Variants in LRRC4C observed in about 807,000 individuals in gnomAD.
LRRC4C encodes the protein leucine-rich repeat-containing protein 4C.
LRRC4C carries 5 observed loss-of-function variants against 33.6 expected under a neutral mutation model. That is an observed-to-expected ratio of 0.15 (90% CI 0.08 to 0.31). The LOEUF (loss-of-function observed/expected upper bound fraction) is 0.31, where lower values mean the gene tolerates loss of function less well. Among genes scored for constraint, LRRC4C ranks in the 10% least tolerant of loss-of-function variants. The probability of loss-of-function intolerance (pLI) is 1.00; values close to 1 mark genes in which losing one functional copy is unlikely to be tolerated. For synonymous variants in LRRC4C, 329 were observed against 302.0 expected (o/e 1.09, Z -0.93); for missense variants, 560 against 796.7 (o/e 0.70, Z 3.58).
rs144991222 is a variant in LRRC4C at position 40,929,775 on chromosome 11, G to C, written c.-407+3860C>G. On this transcript the variant is annotated intron_variant, in intron 2 of 6. Coordinates refer to ENST00000528697, the MANE Select transcript of LRRC4C (RefSeq NM_001258419.2). ...TTATTCAATTCTTAAATGTAATTCAGTGTCCAAAGTAAACATATGAAAGAA... is the reference window on the plus strand; with the variant it reads ...TTATTCAATTCTTAAATGTAATTCACTGTCCAAAGTAAACATATGAAAGAA... Among the ~76,000 whole-genome samples, 523 of 152,170 alleles carry C rather than the reference G, an allele frequency of 3.4e-3. 2 individuals are homozygous for C. Among genetic ancestry groups the C allele is most frequent in the African/African-American group, 0.012 (495 of 41,512 alleles).
chr11:41,013,478 A>T (rs1351577150), intron 1 of LRRC4C, among the ~76,000 whole-genome samples: 3 of 152,230 alleles, frequency 2.0e-5, no homozygotes, highest in Non-Finnish European at 4.4e-5. Flanking sequence ...CTAATCTGTG[A>T]GGCTAGCGCT....
chr11:40,983,797 C>G (rs1234618571), intron 1 of LRRC4C, among the ~76,000 whole-genome samples: 1 of 152,112 alleles, frequency 6.6e-6, no homozygotes, highest in Non-Finnish European at 1.5e-5. Flanking sequence ...AATGAGATAC[C>G]ATTTCACACC....
At chr11:40,208,182 T>C (rs963026647) in intron 5 of LRRC4C, among the ~76,000 whole-genome samples, 1 of 152,182 alleles carries the variant, frequency 6.6e-6, no homozygotes, top group Non-Finnish European at 1.5e-5. Context: ...TTTATTTTGC[T>C]CATATGATAT....
At chr11:40,305,112 C>G (rs1024206670) in intron 4 of LRRC4C, among the ~76,000 whole-genome samples, 1 of 152,186 alleles carries the variant, frequency 6.6e-6, no homozygotes, top group Admixed American at 6.5e-5. Context: ...TCTTTTAGTG[C>G]TCGAATAGGG....
chr11:40,645,071 G>T lies in LRRC4C; in HGVS notation c.-270+3071C>A, dbSNP rs569754931. On this transcript the variant is annotated intron_variant, in intron 3 of 6. Coordinates refer to ENST00000528697, the MANE Select transcript of LRRC4C (RefSeq NM_001258419.2). ...TATCTCTACTGCACGGCAATCATATGAATGTCCTTAGTTGATTTTAAGGAA... is the reference window on the plus strand; with the variant it reads ...TATCTCTACTGCACGGCAATCATATTAATGTCCTTAGTTGATTTTAAGGAA... Among the ~76,000 whole-genome samples, 8 of 152,154 alleles carry T rather than the reference G, an allele frequency of 5.3e-5. No individual in the cohort carries two copies. The South Asian group carries it at 1.7e-3, about 32-fold the overall frequency.
intron 3 of LRRC4C, among the ~76,000 whole-genome samples, chr11:40,443,270 T>G (rs1951474882): frequency 6.6e-6 from 1 of 152,194 alleles, no homozygotes. Flanking sequence ...ACAACACAAC[T>G]GTGATGACAA....
chr11:40,773,245 G>C (rs1011738581), intron 2 of LRRC4C, among the ~76,000 whole-genome samples: 10 of 151,726 alleles, frequency 6.6e-5, no homozygotes, highest in African/African-American at 2.2e-4. Flanking sequence ...ATGGTTAATG[G>C]GTACAAAAGT....
At chr11:40,609,909 T>C (rs1481232390) in intron 3 of LRRC4C, among the ~76,000 whole-genome samples, 3 of 151,854 alleles carry the variant, frequency 2.0e-5, no homozygotes, top group Non-Finnish European at 4.4e-5. Flanking sequence ...GAAAACCTCC[T>C]AACAGAGAAA....
At chr11:41,450,146 A>G (rs1465473241) in intron 1 of LRRC4C, among the ~76,000 whole-genome samples, 1 of 152,144 alleles carries the variant, frequency 6.6e-6, no homozygotes, top group Non-Finnish European at 1.5e-5. Flanking sequence ...GGCAGTTCTT[A>G]GACATGTTTC....
intron 3 of LRRC4C, among the ~76,000 whole-genome samples, chr11:40,527,303 G>T (rs938786076): frequency 2.0e-5 from 3 of 152,118 alleles, no homozygotes; most frequent in African/African-American, 7.2e-5. Context: ...TAAAGATATA[G>T]ATTGAAAATG....
rs372549164 is a variant in LRRC4C, at chr11:40,564,711, GA to G, written c.-270+83430del. Among the ~76,000 whole-genome samples the G allele has an allele frequency of 4.5e-3, 687 of 152,294 alleles. 6 individuals are homozygous for G. Among genetic ancestry groups the G allele is most frequent in the African/African-American group, 0.016 (664 of 41,560 alleles). The stretch of plus-strand genomic sequence containing the variant: ...GTGTTACATTCTTCCAGATTAGAGG[GA>G]GTGGTCCCTAAAGAGGGAATACTTT... On this transcript the variant is annotated intron_variant, in intron 3 of 6. Coordinates refer to ENST00000528697, the MANE Select transcript of LRRC4C (RefSeq NM_001258419.2).
chr11:41,015,417 C>T (rs1185900328), intron 1 of LRRC4C, among the ~76,000 whole-genome samples: 1 of 152,084 alleles, frequency 6.6e-6, no homozygotes, highest in Non-Finnish European at 1.5e-5. Flanking sequence ...CAACTTCTAC[C>T]TCTTGAGTTC....
chr11:40,989,679 G>A (rs1853362588), intron 1 of LRRC4C, among the ~76,000 whole-genome samples: 1 of 152,008 alleles, frequency 6.6e-6, no homozygotes, highest in Admixed American at 6.5e-5. Flanking sequence ...TTTGTGGGTG[G>A]GGGAGATTTA....
chr11:40,353,836 G>C (rs77339415), intron 3 of LRRC4C, among the ~76,000 whole-genome samples: 370 of 152,262 alleles, frequency 2.4e-3, no homozygotes, highest in African/African-American at 8.5e-3. Context: ...TGTCATACCA[G>C]GTTAGGTCAC....
chr11:41,355,965 C>T (rs1348538192), intron 1 of LRRC4C, among the ~76,000 whole-genome samples: 1 of 152,068 alleles, frequency 6.6e-6, no homozygotes, highest in African/African-American at 2.4e-5. Flanking sequence ...CAAAACCAAG[C>T]TGGCTTCCAT....
intron 5 of LRRC4C, among the ~76,000 whole-genome samples, chr11:40,178,257 AATAG>A (rs753668706): frequency 2.6e-5 from 4 of 152,210 alleles, no homozygotes; most frequent in African/African-American, 4.8e-5. Flanking sequence ...TATTTGAGCA[AATAG>A]ATAGGTCATG....
chr11:40,580,367 T>C (rs953663770), intron 3 of LRRC4C, among the ~76,000 whole-genome samples: 1 of 152,058 alleles, frequency 6.6e-6, no homozygotes, highest in African/African-American at 2.4e-5. Context: ...TTCACTATTA[T>C]GATAACAGCA....
In LRRC4C at chr11:40,140,869, AAAG is replaced by A; in HGVS notation, c.-95-19_-95-17del. The A allele has an allele frequency of 6.6e-6, 1 of 152,178 alleles. No individual in the cohort carries two copies. The highest frequency in any genetic ancestry group is 1.5e-5 in the Non-Finnish European group (1 of 67,954). 9.4% of individuals were successfully genotyped at this position (152,178 alleles called of 1,614,324 possible). A position where few individuals can be genotyped will look rare whatever the true frequency, so the allele number is the denominator to read the frequency against. On this transcript the variant is annotated splice_polypyrimidine_tract_variant and intron_variant, in intron 5 of 6. Coordinates refer to ENST00000528697, the MANE Select transcript of LRRC4C (RefSeq NM_001258419.2). ...GTTTGCCAATCTAAAAAAAAAAAAAAAAGAAAAGAAAAGAAAAAAAAGCATCCA... is the reference window on the plus strand; with the variant it reads ...GTTTGCCAATCTAAAAAAAAAAAAAAAAAAGAAAAGAAAAAAAAGCATCCA...
chr11:40,234,103 A>G (rs146219602), intron 5 of LRRC4C, among the ~76,000 whole-genome samples: 35 of 152,340 alleles, frequency 2.3e-4, no homozygotes, highest in African/African-American at 8.2e-4. Context: ...AAGCTGTCTG[A>G]TCTGGAAGCA....
Sources: gnomAD v4.1 joint callset for allele counts (sites outside exome capture counted in the v4.1 genomes callset) on GRCh38, gnomAD v4.1.1 for gene constraint, MANE v1.5 for transcripts, NCBI Gene and HGNC (gene_info 2026-07-23, HGNC 2026-07-21) for gene names.